The following PCCA variants were observed in gnomAD, a reference collection of about 807,000 sequenced individuals.
The protein encoded by PCCA is propionyl-CoA carboxylase subunit alpha, also known as propionyl-CoA carboxylase alpha chain, mitochondrial.
In PCCA, 74 loss-of-function variants were observed where a neutral mutation model predicts 101.3. That is an observed-to-expected ratio of 0.73 (90% CI 0.61 to 0.89). PCCA has a LOEUF of 0.89. Ranked by LOEUF, PCCA falls within the 40% of genes least tolerant of loss-of-function variation. The pLI is 0.00. For synonymous variants in PCCA, 294 were observed against 313.6 expected (o/e 0.94, Z 0.66); for missense variants, 891 against 907.0 (o/e 0.98, Z 0.23).
intron 18 of PCCA, among the ~76,000 whole-genome samples, chr13:100,354,203 G>A (rs930875571): frequency 8.0e-5 from 12 of 150,776 alleles, no homozygotes; most frequent in Admixed American, 3.3e-4. Context: ...TTGAGCCCAG[G>A]AAGTCAGGGC....
intron 19 of PCCA, among the ~76,000 whole-genome samples, chr13:100,420,704 G>T (rs2078690006): frequency 6.6e-6 from 1 of 152,212 alleles, no homozygotes; most frequent in African/African-American, 2.4e-5. Context: ...GAGGAAGAGA[G>T]ATTATCTGAA....
At chr13:100,239,989 GCATTGTCAGTT>G (rs761383065) in intron 8 of PCCA, among the ~76,000 whole-genome samples, 16 of 151,898 alleles carry the variant, frequency 1.1e-4, no homozygotes, top group Non-Finnish European at 1.9e-4. Context: ...ACATCAATAG[GCATTGTCAGTT>G]CATCTTATAT....
chr13:100,201,730 G>GCA (rs2058507840), intron 6 of PCCA, among the ~76,000 whole-genome samples: 2 of 151,880 alleles, frequency 1.3e-5, no homozygotes, highest in South Asian at 4.2e-4. Context: ...GGTGGTGCAT[G>GCA]CCTGTAATCC....
intron 21 of PCCA, among the ~76,000 whole-genome samples, chr13:100,500,847 T>G (rs2085612075): frequency 6.6e-6 from 1 of 152,252 alleles, no homozygotes; most frequent in Non-Finnish European, 1.5e-5. Flanking sequence ...AAAGATACTT[T>G]AAAGATGTTT....
chr13:100,102,867 T>A lies in PCCA; in HGVS notation c.106-16T>A. ...ATCAAGTATTTGCAATTTATTTTGC[T>A]TTCCTTTTTTTGTAGCATGTTCTGT... On this transcript the variant is annotated splice_polypyrimidine_tract_variant and intron_variant, in intron 1 of 23. Transcript: ENST00000376285. 6.3e-7 allele frequency: 1 copy of A among 1,596,092 alleles called. No individual in the cohort carries two copies. Among genetic ancestry groups the A allele is most frequent in the Non-Finnish European group, 8.6e-7 (1 of 1,163,698 alleles).
intron 16 of PCCA, 105 bp downstream of exon 16, chr13:100,310,013 C>T: frequency 1.2e-6 from 1 of 821,554 alleles, no homozygotes. Context: ...CATTTGCTCA[C>T]TATGTGCTTA....
intron 20 of PCCA, among the ~76,000 whole-genome samples, chr13:100,437,471 C>T (rs2080022125): frequency 1.3e-5 from 2 of 151,672 alleles, no homozygotes; most frequent in South Asian, 4.2e-4. Context: ...AATAATTTAG[C>T]CAACTTTTCT....
chr13:100,278,166 A>G (rs1178694513), intron 12 of PCCA, among the ~76,000 whole-genome samples: 1 of 152,196 alleles, frequency 6.6e-6, no homozygotes, highest in African/African-American at 2.4e-5. Context: ...AGTATGTCTA[A>G]TTAGATTATT....
At chr13:100,143,265 C>T (rs2052108831) in intron 4 of PCCA, among the ~76,000 whole-genome samples, 1 of 152,054 alleles carries the variant, frequency 6.6e-6, no homozygotes, top group Non-Finnish European at 1.5e-5. Context: ...TGCGGTGGCT[C>T]ATGCCTGTAA....
intron 7 of PCCA, among the ~76,000 whole-genome samples, chr13:100,210,359 C>T (rs2059134250): frequency 6.6e-6 from 1 of 152,180 alleles, no homozygotes; most frequent in Non-Finnish European, 1.5e-5. Context: ...AGCAGTGACT[C>T]AGACTTTCAT....
intron 12 of PCCA, among the ~76,000 whole-genome samples, chr13:100,296,673 C>T (rs139514541): frequency 5.6e-4 from 85 of 152,296 alleles, no homozygotes; most frequent in African/African-American, 1.9e-3. Flanking sequence ...ATCTTTCTAT[C>T]TATATCTGTA....
intron 4 of PCCA, among the ~76,000 whole-genome samples, chr13:100,121,369 AG>A (rs1380844710): frequency 6.6e-6 from 1 of 151,764 alleles, no homozygotes; most frequent in East Asian, 1.9e-4. Context: ...CATGTTGGCC[AG>A]GCTGGTCTCG....
chr13:100,385,319 CG>C (rs1204151080), intron 19 of PCCA, among the ~76,000 whole-genome samples: 1 of 152,066 alleles, frequency 6.6e-6, no homozygotes, highest in Non-Finnish European at 1.5e-5. Context: ...GTAAAACTGT[CG>C]TAAGTGAAGC....
intron 18 of PCCA, among the ~76,000 whole-genome samples, chr13:100,353,335 G>A (rs533730143): frequency 2.6e-5 from 4 of 152,258 alleles, no homozygotes; most frequent in African/African-American, 4.8e-5. Flanking sequence ...TCAAGTGCAC[G>A]TATAACATTC....
intron 16 of PCCA, among the ~76,000 whole-genome samples, chr13:100,324,635 T>G (rs1199291983): frequency 6.6e-6 from 1 of 152,156 alleles, no homozygotes; most frequent in African/African-American, 2.4e-5. Flanking sequence ...CTGGTGCCAT[T>G]CAAAGCAGAG....
intron 12 of PCCA, among the ~76,000 whole-genome samples, chr13:100,282,620 C>T (rs982578821): frequency 1.1e-4 from 17 of 152,212 alleles, no homozygotes; most frequent in Admixed American, 8.5e-4. Flanking sequence ...GCCAGCCCAC[C>T]GTGCTGCACT....
At chr13:100,171,090 A>G (rs1229872249) in intron 6 of PCCA, among the ~76,000 whole-genome samples, 1 of 152,206 alleles carries the variant, frequency 6.6e-6, no homozygotes, top group Admixed American at 6.5e-5. Context: ...AGCAGATTGA[A>G]TGCAGGAACC....
At chr13:100,489,846 G>T (rs1284985965) in intron 21 of PCCA, 2 of 152,218 alleles carry the variant, frequency 1.3e-5, no homozygotes, top group Non-Finnish European at 2.9e-5. Context: ...ATGAAGAAGA[G>T]TGGAAGTCTA....
chr13:100,235,317 G>A lies in PCCA; in HGVS notation c.601-525G>A, dbSNP rs553377661. Among the ~76,000 whole-genome samples, 10 of 150,506 alleles carry A rather than the reference G, an allele frequency of 6.6e-5. No homozygotes were observed. In the East Asian group the frequency reaches 1.7e-3, roughly 26 times the overall value. On this transcript the variant is annotated intron_variant, in intron 7 of 23. Coordinates refer to ENST00000376285, the MANE Select transcript of PCCA (RefSeq NM_000282.4). ...AGAAAGAAACAATAGAAAAGAAAAGGTAATGCAGATTACCAAAAGGATTTT... is the reference window on the plus strand; with the variant it reads ...AGAAAGAAACAATAGAAAAGAAAAGATAATGCAGATTACCAAAAGGATTTT...
Sources: gnomAD v4.1 joint callset for allele counts (sites outside exome capture counted in the v4.1 genomes callset) on GRCh38, gnomAD v4.1.1 for gene constraint, MANE v1.5 for transcripts, NCBI Gene and HGNC (gene_info 2026-07-23, HGNC 2026-07-21) for gene names.